HAUS6: variants seen among roughly 807,000 people sequenced by gnomAD.
HAUS6 encodes HAUS augmin-like complex subunit 6.
Under a neutral mutation model 106.8 loss-of-function variants are expected in HAUS6, and 80 were observed. The ratio of observed to expected loss-of-function variants is 0.75; its 90% confidence interval spans 0.63 to 0.90. HAUS6 has a LOEUF of 0.90. HAUS6 is among the 40% of genes least tolerant of loss of function. The probability of loss-of-function intolerance (pLI) is 0.00; values close to 1 mark genes in which losing one functional copy is unlikely to be tolerated. For synonymous variants in HAUS6, 356 were observed against 379.1 expected (o/e 0.94, Z 0.71); for missense variants, 1,155 against 1,118.1 (o/e 1.03, Z -0.47).
chr9:19,072,508 CAAA>C (rs200403186), intron 11 of HAUS6, among the ~76,000 whole-genome samples: 1 of 127,088 alleles, frequency 7.9e-6, no homozygotes, highest in Non-Finnish European at 1.7e-5. Context: ...GACTCTGTCT[CAAA>C]AAAAAAAAAA....
chr9:19,083,862 AT>A (rs1481004510), intron 7 of HAUS6, among the ~76,000 whole-genome samples: 1 of 151,882 alleles, frequency 6.6e-6, no homozygotes, highest in African/African-American at 2.4e-5. Context: ...ATTTTAAGTC[AT>A]TCAGTTTGAG....
Position 19,060,073 on chromosome 9 carries a change from G to T in HAUS6, c.1765+15C>A. ...CGATGAAAGAAAAAAGTAACAGAAA[G>T]CATTATTAACTTACTCAAGTTTTCT... On this transcript the variant is annotated intron_variant, in intron 15 of 16. Transcript: ENST00000380502. The T allele has an allele frequency of 6.3e-7, 1 of 1,593,822 alleles. No individual in the cohort carries two copies. The highest frequency in any genetic ancestry group is 8.6e-7 in the Non-Finnish European group (1 of 1,167,550).
In HAUS6 at chr9:19,091,012, C is replaced by G. The variant is rs964071762; in HGVS notation, c.437-1453G>C. ...TCTAGCATTGCCTCAGAGAAACCACCAGAATTGGCCGGGCGCAGTGGCTCA... is the reference window on the plus strand; with the variant it reads ...TCTAGCATTGCCTCAGAGAAACCACGAGAATTGGCCGGGCGCAGTGGCTCA... On this transcript the variant is annotated intron_variant, in intron 4 of 16. Transcript: ENST00000380502. Among the ~76,000 whole-genome samples the G allele has an allele frequency of 3.3e-5, 5 of 151,952 alleles. No homozygotes were observed. In the East Asian group the frequency reaches 7.7e-4, roughly 23 times the overall value.
chr9:19,101,561 G>C (rs1298235097), intron 1 of HAUS6, among the ~76,000 whole-genome samples: 3 of 152,034 alleles, frequency 2.0e-5, no homozygotes, highest in African/African-American at 7.2e-5. Context: ...AGGATTGCTT[G>C]AGCCCAGGAA....
At chr9:19,077,958 G>T (rs139320725) in intron 10 of HAUS6, among the ~76,000 whole-genome samples, 1 of 152,102 alleles carries the variant, frequency 6.6e-6, no homozygotes, top group Non-Finnish European at 1.5e-5. Flanking sequence ...CTACTCAGAA[G>T]GCTGAGGTGG....
In HAUS6 at chr9:19,075,550, G is replaced by A. The variant is rs531733879; in HGVS notation, c.1294+1052C>T. ...CTTGGAATCAGTTTGAGAAAACATT[G>A]TGCAAAGTTAAAAACAGTGCAAGTG... On this transcript the variant is annotated intron_variant, in intron 11 of 16. Transcript: ENST00000380502. Among the ~76,000 whole-genome samples, 6 of 151,864 alleles carry A rather than the reference G, an allele frequency of 4.0e-5. No homozygotes were observed. In the East Asian group the frequency reaches 9.7e-4, roughly 25 times the overall value.
chr9:19,077,874 A>C (rs978280783), intron 10 of HAUS6, among the ~76,000 whole-genome samples: 7 of 152,150 alleles, frequency 4.6e-5, no homozygotes, highest in Non-Finnish European at 8.8e-5. Flanking sequence ...CAGCCTTGGC[A>C]ATATAGGGAG....
At chr9:19,086,849 C>A in intron 6 of HAUS6, 67 bp from the exon 7 acceptor site, 1 of 718,740 alleles carries the variant, frequency 1.4e-6, no homozygotes, top group Non-Finnish European at 2.4e-6. Context: ...ATCCAAAGAG[C>A]TAATTAGTCT....
intron 8 of HAUS6, among the ~76,000 whole-genome samples, chr9:19,082,487 G>A (rs1209416141): frequency 1.3e-5 from 2 of 152,104 alleles, no homozygotes; most frequent in African/African-American, 2.4e-5. Flanking sequence ...GGTGGCTCAC[G>A]CCTGTAATCC....
In HAUS6 at chr9:19,055,141, T is replaced by A. The variant is rs1219945476; in HGVS notation, c.*1202A>T. On this transcript the variant is annotated 3_prime_UTR_variant, in exon 17 of 17. Transcript: ENST00000380502. ...GGCAGCCCAAGATAAAAGAAATAAC[T>A]ATTAAGCCATCTACTTCCATAAATT... 3 of 152,206 alleles carry A rather than the reference T, an allele frequency of 2.0e-5. No individual in the cohort carries two copies. The highest frequency in any genetic ancestry group is 2.0e-4 in the Admixed American group (3 of 15,282). The allele number at this position is 152,206 out of a possible 1,614,324, so 9.4% of individuals were successfully genotyped here.
chr9:19,088,235 C>T (rs747716949), intron 5 of HAUS6, among the ~76,000 whole-genome samples: 7 of 151,416 alleles, frequency 4.6e-5, no homozygotes, highest in South Asian at 4.2e-4. Flanking sequence ...GCCAACATGG[C>T]GAAACCCCTT....
At chr9:19,089,591 C>T (rs777020015) in intron 4 of HAUS6, 32 bp from the exon 5 acceptor site, 2 of 1,567,606 alleles carry the variant, frequency 1.3e-6, no homozygotes, top group Non-Finnish European at 1.7e-6. Context: ...TTATAGAAAA[C>T]AGGCTGGTCT....
intron 8 of HAUS6, among the ~76,000 whole-genome samples, chr9:19,081,237 TAAAAG>T (rs1837142075): frequency 6.6e-6 from 1 of 151,970 alleles, no homozygotes; most frequent in Non-Finnish European, 1.5e-5. Context: ...AAAACTAGAA[TAAAAG>T]AAATGTTAAT....
In HAUS6 at chr9:19,070,216, T is replaced by A. The variant is rs1203603968; in HGVS notation, c.1376+3A>T. 6.7e-7 allele frequency: 1 copy of A among 1,501,292 alleles called. No homozygotes were observed. Among genetic ancestry groups the A allele is most frequent in the East Asian group, 2.3e-5 (1 of 44,332 alleles). The allele number at this position is 1,501,292 out of a possible 1,614,324, so 93.0% of individuals were successfully genotyped here. On this transcript the variant is annotated splice_donor_region_variant and intron_variant, in intron 12 of 16. Transcript: ENST00000380502. The stretch of plus-strand genomic sequence containing the variant: ...TAACAAAAGAAAATCAAATTTGTTT[T>A]ACCTGTTGGCTAGATCATGTAGCGC...
intron 12 of HAUS6, among the ~76,000 whole-genome samples, chr9:19,064,532 C>T (rs1004450398): frequency 3.3e-5 from 5 of 152,064 alleles, no homozygotes; most frequent in Non-Finnish European, 7.4e-5. Flanking sequence ...AACTTTTTTA[C>T]TTTGGTCTTA....
intron 14 of HAUS6, 130 bp from the exon 15 acceptor site, chr9:19,060,353 G>T: frequency 1.5e-6 from 1 of 662,292 alleles, no homozygotes; most frequent in Non-Finnish European, 2.4e-6. Flanking sequence ...ACAAAAATAA[G>T]CAACAAAGAA....
At chr9:19,068,044 C>T (rs527422399) in intron 12 of HAUS6, among the ~76,000 whole-genome samples, 3 of 151,762 alleles carry the variant, frequency 2.0e-5, no homozygotes, top group Non-Finnish European at 2.9e-5. Context: ...TGAATAAAAT[C>T]TGCTATATAT....
chr9:19,087,512 T>C (rs1175711825), intron 5 of HAUS6, among the ~76,000 whole-genome samples: 1 of 152,160 alleles, frequency 6.6e-6, no homozygotes, highest in South Asian at 2.1e-4. Context: ...TAGTAATATA[T>C]AACAAAGCAT....
rs34876725 is a variant in HAUS6, at chr9:19,080,834, G to C, written c.871-162C>G. ...TGTAATCCCAGCACTCTGGGAGTTG[G>C]GGGTGGTGGGGGCGGATCACCTGAG... is the stretch of plus-strand genomic sequence containing the variant. On this transcript the variant is annotated intron_variant, in intron 8 of 16. Transcript: ENST00000380502. Among the ~76,000 whole-genome samples the C allele has an allele frequency of 2.1e-3, 317 of 152,262 alleles. 1 individual carries two copies. Among genetic ancestry groups the C allele is most frequent in the Admixed American group, 3.7e-3 (56 of 15,282 alleles).
Sources: gnomAD v4.1 joint callset for allele counts (sites outside exome capture counted in the v4.1 genomes callset) on GRCh38, gnomAD v4.1.1 for gene constraint, MANE v1.5 for transcripts, NCBI Gene and HGNC (gene_info 2026-07-23, HGNC 2026-07-21) for gene names.